Variants in CENPP observed in about 807,000 individuals in gnomAD.
CENPP encodes centromere protein P.
A neutral mutation model predicts 35.6 loss-of-function variants in CENPP; 24 were observed. The observed-to-expected ratio is 0.67, with a 90% CI of 0.49 to 0.95. The LOEUF (loss-of-function observed/expected upper bound fraction) is 0.95. Among genes scored for constraint, CENPP ranks in the 40% least tolerant of loss-of-function variants. The pLI, the probability that CENPP is intolerant of heterozygous loss-of-function variation, is 0.00. For missense variants in CENPP, 332 were observed against 345.3 expected, an observed-to-expected ratio of 0.96 and a Z score of 0.31; for synonymous variants, 120 against 125.5, an observed-to-expected ratio of 0.96 and a Z score of 0.29.
chr9:92,363,836 GT>G (rs569399961), intron 4 of CENPP, among the ~76,000 whole-genome samples: 18 of 147,318 alleles, frequency 1.2e-4, no homozygotes, highest in East Asian at 8.0e-4. Flanking sequence ...ATCCTATTGG[GT>G]TTTTTTTTTG....
chr9:92,576,818 A>G (rs1392021426), intron 5 of CENPP, among the ~76,000 whole-genome samples: 1 of 152,190 alleles, frequency 6.6e-6, no homozygotes, highest in Non-Finnish European at 1.5e-5. Flanking sequence ...ATATCTTGGA[A>G]ACAGTAAATA....
chr9:92,589,534 G>A (rs1850620483), intron 5 of CENPP, among the ~76,000 whole-genome samples: 1 of 151,896 alleles, frequency 6.6e-6, no homozygotes, highest in Non-Finnish European at 1.5e-5. Context: ...AAGACATACT[G>A]ACTTCCCAGA....
At chr9:92,400,521 T>G (rs1564300448) in intron 5 of CENPP, among the ~76,000 whole-genome samples, 1 of 152,226 alleles carries the variant, frequency 6.6e-6, no homozygotes, top group Admixed American at 6.5e-5. Flanking sequence ...TATTTTCTGT[T>G]ATGGTTCATT....
intron 5 of CENPP, among the ~76,000 whole-genome samples, chr9:92,423,578 A>G (rs991444381): frequency 3.3e-5 from 5 of 152,242 alleles, no homozygotes; most frequent in Admixed American, 3.3e-4. Context: ...TTTTTTTGCT[A>G]TTAAAAATAC....
intron 5 of CENPP, among the ~76,000 whole-genome samples, chr9:92,547,462 T>C (rs1244330295): frequency 6.6e-6 from 1 of 152,236 alleles, no homozygotes. Flanking sequence ...AAGGGAATAT[T>C]ATTTGGTAAT....
At chr9:92,543,471 CAAAAAAAAAAAAAAAAA>C (rs71362401) in intron 5 of CENPP, among the ~76,000 whole-genome samples, 2 of 44,522 alleles carry the variant, frequency 4.5e-5, no homozygotes, top group South Asian at 1.1e-3. Flanking sequence ...AACCCTGTCT[CAAAAAAAAAAAAAAAAA>C]AAAAAAAAAA....
At chr9:92,534,242 T>C (rs1452047654) in intron 5 of CENPP, among the ~76,000 whole-genome samples, 2 of 152,204 alleles carry the variant, frequency 1.3e-5, no homozygotes, top group Non-Finnish European at 2.9e-5. Context: ...TTGTCTGTAA[T>C]ATATCTTGTA....
chr9:92,407,879 T>C (rs575342689), intron 5 of CENPP, among the ~76,000 whole-genome samples: 143 of 152,316 alleles, frequency 9.4e-4, no homozygotes, highest in Non-Finnish European at 4.4e-4. Flanking sequence ...TGGAGTTCTT[T>C]TAGGTGACCC....
chr9:92,496,452 C>A, intron 5 of CENPP: 1 of 1,607,458 alleles, frequency 6.2e-7, no homozygotes, highest in South Asian at 1.1e-5. Context: ...TCATCCTCTT[C>A]AGCATTGCAA....
chr9:92,418,269 T>C (rs562656230), intron 5 of CENPP, among the ~76,000 whole-genome samples: 56 of 151,928 alleles, frequency 3.7e-4, no homozygotes, highest in African/African-American at 1.3e-3. Context: ...GTATTGTTAG[T>C]AGAGACGGGG....
At chr9:92,460,326 A>C (rs1845057891) in intron 5 of CENPP, 1 of 544,946 alleles carries the variant, frequency 1.8e-6, no homozygotes, top group African/African-American at 2.0e-5. Flanking sequence ...GAGCCACCAC[A>C]CCCGGCCAAT....
At chr9:92,551,789 T>C (rs1393778186) in intron 5 of CENPP, among the ~76,000 whole-genome samples, 2 of 151,886 alleles carry the variant, frequency 1.3e-5, no homozygotes, top group Non-Finnish European at 2.9e-5. Flanking sequence ...TTTCCATTCC[T>C]GAGTAACTTC....
chr9:92,498,015 A>G (rs1846455401), intron 5 of CENPP, among the ~76,000 whole-genome samples: 1 of 152,088 alleles, frequency 6.6e-6, no homozygotes, highest in Admixed American at 6.5e-5. Flanking sequence ...TGCAGATGCC[A>G]GTGCCGTGCT....
Position 92,593,024 on chromosome 9 carries a change from A to G in CENPP, c.565-18290A>G, listed in dbSNP as rs1413650487. 6.6e-6 allele frequency among the ~76,000 whole-genome samples: 1 copy of G among 152,230 alleles called. No individual in the cohort carries two copies. The highest frequency in any genetic ancestry group is 2.4e-5 in the African/African-American group (1 of 41,464). ...CTGTAGCTAGCAGAGAGACTGGAGT[A>G]GCTCAGACAACCAGAGCTGCTGGCC... is the stretch of plus-strand genomic sequence containing the variant. On this transcript the variant is annotated intron_variant, in intron 5 of 7. Transcript: ENST00000375587. This position sits in a 1 kb window ranked among gnomAD's most constrained non-coding sequence, Gnocchi z 4.1.
intron 5 of CENPP, among the ~76,000 whole-genome samples, chr9:92,524,180 C>T (rs145149167): frequency 6.6e-6 from 1 of 152,258 alleles, no homozygotes; most frequent in East Asian, 1.9e-4. Context: ...TATTCTCTAG[C>T]TTTATAATTG....
chr9:92,456,976 A>G (rs1417213413), intron 5 of CENPP: 2 of 1,095,732 alleles, frequency 1.8e-6, no homozygotes, highest in Non-Finnish European at 2.2e-6. Flanking sequence ...ATGCTTGATA[A>G]CAAAGTGTTA....
chr9:92,570,091 C>T (rs1378698778), intron 5 of CENPP, among the ~76,000 whole-genome samples: 1 of 152,260 alleles, frequency 6.6e-6, no homozygotes, highest in African/African-American at 2.4e-5. Flanking sequence ...CGCCTGATTG[C>T]TCTGGCCAGA....
intron 5 of CENPP, among the ~76,000 whole-genome samples, chr9:92,458,867 T>C (rs983192332): frequency 6.6e-6 from 1 of 152,212 alleles, no homozygotes; most frequent in African/African-American, 2.4e-5. Flanking sequence ...TTTTGATGGT[T>C]TGTATCTCAA....
At chr9:92,596,836 T>A (rs1850796894) in intron 5 of CENPP, among the ~76,000 whole-genome samples, 1 of 152,156 alleles carries the variant, frequency 6.6e-6, no homozygotes, top group Non-Finnish European at 1.5e-5. Flanking sequence ...TAAGTATTTT[T>A]AATAAAAAAT....
Sources: gnomAD v4.1 joint callset for allele counts (sites outside exome capture counted in the v4.1 genomes callset) on GRCh38, gnomAD v4.1.1 for gene constraint, Gnocchi (gnomAD v3.1) non-coding constraint, MANE v1.5 for transcripts, NCBI Gene and HGNC (gene_info 2026-07-23, HGNC 2026-07-21) for gene names.